The following ICOS variants were observed in gnomAD, a reference collection of about 807,000 sequenced individuals.
ICOS encodes inducible T-cell costimulator.
In ICOS, 15 loss-of-function variants were observed where a neutral mutation model predicts 24.6. The observed-to-expected ratio is 0.61, with a 90% confidence interval of 0.41 to 0.94. The LOEUF (loss-of-function observed/expected upper bound fraction) is 0.94, where lower values mean the gene tolerates loss of function less well. ICOS is among the 40% of genes least tolerant of loss of function. The pLI is 0.00. For missense variants in ICOS, 200 were observed against 233.0 expected (o/e 0.86, Z 0.92); for synonymous variants, 89 against 77.5 (o/e 1.15, Z -0.78).
At chr2:203,957,960 T>TA (rs397712353) in intron 4 of ICOS, 77 bp downstream of exon 4, 11 of 896,274 alleles carry the variant, frequency 1.2e-5, no homozygotes, top group African/African-American at 5.1e-5. Flanking sequence ...TTTTTTTTTT[T>TA]AATTTTAAAG....
At chr2:203,956,585 GCT>G (rs2105754687) in intron 2 of ICOS, 72 bp from the exon 3 acceptor site, 1 of 992,588 alleles carries the variant, frequency 1.0e-6, no homozygotes, top group African/African-American at 1.6e-5. Context: ...TGATTAAATA[GCT>G]CTTTTAAATT....
Position 203,959,590 on chromosome 2 carries a change from G to T in ICOS, c.591G>T (p.Val197=), listed in dbSNP as rs55655222. 1 of 1,613,178 alleles carries T rather than the reference G, an allele frequency of 6.2e-7. No individual in the cohort carries two copies. The change falls in exon 5 of 5, where the codon GTG becomes GTT. Residue 197 remains valine (V), a synonymous_variant. Transcript: ENST00000316386. ...NTAKKSRLTD[V]TL ...TATGCTGAATTTTTGTTACAGATGT[G>T]ACCCTATAATATGGAACTCTGGCAC... is the stretch of plus-strand genomic sequence containing the variant.
chr2:203,952,241 A>G (rs1438132829), intron 1 of ICOS, among the ~76,000 whole-genome samples: 2 of 152,186 alleles, frequency 1.3e-5, no homozygotes, highest in Admixed American at 6.5e-5. Flanking sequence ...TATATTAACT[A>G]TTTCTATTTT....
chr2:203,959,120 C>G (rs759520835), intron 4 of ICOS, among the ~76,000 whole-genome samples: 2 of 152,232 alleles, frequency 1.3e-5, no homozygotes, highest in Non-Finnish European at 2.9e-5. Context: ...CAACCACTGG[C>G]TCCATCCTCA....
chr2:203,937,674 A>C (rs140651694), intron 1 of ICOS, among the ~76,000 whole-genome samples: 31 of 152,352 alleles, frequency 2.0e-4, no homozygotes, highest in Non-Finnish European at 4.1e-4. Context: ...TTAAATAATC[A>C]AATAAACTAA....
At chr2:203,943,632 C>T (rs10804133) in intron 1 of ICOS, among the ~76,000 whole-genome samples, 96,158 of 152,038 alleles carry the variant, frequency 0.63, 33,585 homozygotes, top group Non-Finnish European at 0.77. Flanking sequence ...GCTGGTTGGC[C>T]TCCTGCCAGG....
chr2:203,950,544 C>A (rs1268735572), intron 1 of ICOS, among the ~76,000 whole-genome samples: 1 of 152,120 alleles, frequency 6.6e-6, no homozygotes, highest in Non-Finnish European at 1.5e-5. Flanking sequence ...CAAGCTATAG[C>A]AAGCATATCT....
At chr2:203,938,842 CAT>C (rs1488182602) in intron 1 of ICOS, among the ~76,000 whole-genome samples, 1 of 152,126 alleles carries the variant, frequency 6.6e-6, no homozygotes, top group Non-Finnish European at 1.5e-5. Context: ...TAAAGAAAGC[CAT>C]GAGATGTGGC....
intron 3 of ICOS, among the ~76,000 whole-genome samples, chr2:203,957,007 A>G (rs1171880927): frequency 6.6e-6 from 1 of 152,134 alleles, no homozygotes; most frequent in Non-Finnish European, 1.5e-5. Flanking sequence ...TTACATTATT[A>G]TTATTATTGT....
intron 1 of ICOS, among the ~76,000 whole-genome samples, chr2:203,940,504 G>A (rs903076370): frequency 2.0e-5 from 3 of 152,052 alleles, no homozygotes; most frequent in Admixed American, 2.0e-4. Flanking sequence ...AGGTAAGGGT[G>A]TCTTCCTTTT....
chr2:203,953,167 A>G (rs1039016221), intron 1 of ICOS, among the ~76,000 whole-genome samples: 9 of 152,102 alleles, frequency 5.9e-5, no homozygotes, highest in Non-Finnish European at 1.3e-4. Context: ...TGGGGTCCCA[A>G]TTTATTGGGG....
chr2:203,938,078 C>T (rs1689693303), intron 1 of ICOS, among the ~76,000 whole-genome samples: 1 of 152,204 alleles, frequency 6.6e-6, no homozygotes. Context: ...ACCAGGTCAA[C>T]CCCTGTTCTT....
intron 1 of ICOS, among the ~76,000 whole-genome samples, chr2:203,951,906 A>G (rs1689981857): frequency 6.6e-6 from 1 of 152,222 alleles, no homozygotes; most frequent in Non-Finnish European, 1.5e-5. Context: ...AATCTAATGT[A>G]GACTGCACCT....
rs887862406 is a variant in ICOS at position 203,944,031 on chromosome 2, G to A, written c.58+7159G>A. Among the ~76,000 whole-genome samples, 39 of 152,276 alleles carry A rather than the reference G, an allele frequency of 2.6e-4. 1 individual carries two copies. Among genetic ancestry groups the A allele is most frequent in the African/African-American group, 9.1e-4 (38 of 41,560 alleles). On this transcript the variant is annotated intron_variant, in intron 1 of 4. Coordinates refer to ENST00000316386, the MANE Select transcript of ICOS (RefSeq NM_012092.4). ...CCCCAAGTCTGTTTCCAGGCAAAGG[G>A]CAAGACTGGCTTGAAAACTTGCCTG...
Position 203,961,102 on chromosome 2 carries a change from TA to T in ICOS, c.*1505del, listed in dbSNP as rs1264644810. The stretch of plus-strand genomic sequence containing the variant: ...GCCAATGTCGATGCAACAACATTTG[TA>T]ACTTTAGGTAAACTGGGATTATGTT... On this transcript the variant is annotated 3_prime_UTR_variant, in exon 5 of 5. Coordinates refer to ENST00000316386, the MANE Select transcript of ICOS (RefSeq NM_012092.4). 6.6e-6 allele frequency: 1 copy of T among 152,250 alleles called. No homozygotes were observed. Among genetic ancestry groups the T allele is most frequent in the Non-Finnish European group, 1.5e-5 (1 of 68,074 alleles). 9.4% of individuals were successfully genotyped at this position (152,250 alleles called of 1,614,324 possible). A position where few individuals can be genotyped will look rare whatever the true frequency, so the allele number is the denominator to read the frequency against.
chr2:203,951,822 G>T (rs148226894), intron 1 of ICOS, among the ~76,000 whole-genome samples: 1 of 152,214 alleles, frequency 6.6e-6, no homozygotes, highest in South Asian at 2.1e-4. Flanking sequence ...AGAGACATAC[G>T]CATCAAAGCA....
At position 203,959,680 on chromosome 2, in the gene ICOS, AC is replaced by A. The variant is rs2105757203; in HGVS notation, c.*83del. 1 of 1,311,548 alleles carries A rather than the reference AC, an allele frequency of 7.6e-7. No individual in the cohort carries two copies. Among genetic ancestry groups the A allele is most frequent in the Non-Finnish European group, 1.1e-6 (1 of 905,638 alleles). 81.2% of individuals were successfully genotyped at this position (1,311,548 alleles called of 1,614,324 possible). A position where few individuals can be genotyped will look rare whatever the true frequency, so the allele number is the denominator to read the frequency against. ...AGTGCAAGATTCTCTTATTTCCGGGACCACGGAGAGTCTGACTTAACTACAT... is the reference window on the plus strand; with the variant it reads ...AGTGCAAGATTCTCTTATTTCCGGGACACGGAGAGTCTGACTTAACTACAT... On this transcript the variant is annotated 3_prime_UTR_variant, in exon 5 of 5. Coordinates refer to ENST00000316386, the MANE Select transcript of ICOS (RefSeq NM_012092.4).
intron 1 of ICOS, among the ~76,000 whole-genome samples, chr2:203,937,439 T>C (rs1689674759): frequency 6.6e-6 from 1 of 152,150 alleles, no homozygotes; most frequent in South Asian, 2.1e-4. Context: ...CTAGCCCCTG[T>C]AGACCTTACA....
intron 1 of ICOS, among the ~76,000 whole-genome samples, chr2:203,943,220 T>C (rs1317778024): frequency 6.6e-6 from 1 of 152,200 alleles, no homozygotes; most frequent in Non-Finnish European, 1.5e-5. Flanking sequence ...TTGGGGGTGT[T>C]GAAGAGCCTT....
Sources: allele counts gnomAD v4.1 joint callset (sites outside exome capture counted in the v4.1 genomes callset), GRCh38; gene constraint gnomAD v4.1.1; transcripts MANE v1.5; gene names NCBI Gene and HGNC (gene_info 2026-07-23, HGNC 2026-07-21).